Variants in PRSS23 observed in about 807,000 individuals in gnomAD.
The protein encoded by PRSS23 is protease, serine 23.
PRSS23 carries 25 observed loss-of-function variants against 34.7 expected under a neutral mutation model. The ratio of observed to expected loss-of-function variants is 0.72; its 90% CI spans 0.53 to 1.01. The LOEUF is 1.01. Among genes scored for constraint, PRSS23 ranks in the 50% least tolerant of loss-of-function variants. PRSS23 has a pLI of 0.00. For missense variants in PRSS23, 445 were observed against 475.6 expected (o/e 0.94, Z 0.60); for synonymous variants, 176 against 186.6 (o/e 0.94, Z 0.46).
chr11:86,828,725 A>G (rs1351052898), intron 2 of PRSS23, among the ~76,000 whole-genome samples: 3 of 152,128 alleles, frequency 2.0e-5, no homozygotes, highest in Non-Finnish European at 2.9e-5. Context: ...GCTCGTCTGT[A>G]AAGTATTTTA....
chr11:86,849,279 G>A (rs1590892897), intron 2 of PRSS23, among the ~76,000 whole-genome samples: 1 of 152,202 alleles, frequency 6.6e-6, no homozygotes. Context: ...ACCTCCAGCT[G>A]CAATTGGGAG....
At chr11:86,800,541 C>A (rs1430946983), upstream of PRSS23, 1 of 984,578 alleles carries the variant, frequency 1.0e-6, no homozygotes, top group Non-Finnish European at 1.2e-6. Flanking sequence ...CCAGCTTGCT[C>A]GCACTCGGCT....
chr11:86,912,678 A>G (rs1364068512), intron 2 of PRSS23, among the ~76,000 whole-genome samples: 4 of 151,990 alleles, frequency 2.6e-5, no homozygotes, highest in Non-Finnish European at 5.9e-5. Flanking sequence ...TTGTTAATTC[A>G]TTATAAGTCT....
At chr11:86,828,725 AAAGT>A (rs1488850540) in intron 2 of PRSS23, among the ~76,000 whole-genome samples, 4 of 152,128 alleles carry the variant, frequency 2.6e-5, no homozygotes, top group Non-Finnish European at 5.9e-5. Context: ...GCTCGTCTGT[AAAGT>A]ATTTTATTTC....
upstream of PRSS23, chr11:86,800,379 G>A (rs532131999): frequency 6.5e-6 from 6 of 917,138 alleles, no homozygotes; most frequent in African/African-American, 1.1e-4. Context: ...GCTCCACCCT[G>A]CTCCGGCCGC....
chr11:86,876,114 A>C (rs540160554), intron 2 of PRSS23, among the ~76,000 whole-genome samples: 3 of 152,350 alleles, frequency 2.0e-5, no homozygotes, highest in South Asian at 4.1e-4. Context: ...CCTGCCTGAA[A>C]GACTGAGTGT....
chr11:86,945,589 A>G (rs1240478916), intron 2 of PRSS23: 1 of 152,328 alleles, frequency 6.6e-6, no homozygotes, highest in Admixed American at 6.5e-5. Flanking sequence ...TCTGCCCTAC[A>G]AACTGAATCC....
At chr11:86,793,435 C>T (rs1411810443) in intron 1 of PRSS23, among the ~76,000 whole-genome samples, 2 of 152,168 alleles carry the variant, frequency 1.3e-5, no homozygotes, top group Non-Finnish European at 2.9e-5. Flanking sequence ...CTGCAGAAAG[C>T]CAGTCAAATG....
intron 2 of PRSS23, chr11:86,921,705 A>G (rs1026571252): frequency 1.3e-5 from 2 of 152,202 alleles, no homozygotes; most frequent in African/African-American, 4.8e-5. Context: ...AAGTTCACAG[A>G]CTTTATTTGT....
At chr11:86,833,284 A>C in intron 2 of PRSS23, 1 of 1,561,516 alleles carries the variant, frequency 6.4e-7, no homozygotes, top group Non-Finnish European at 8.8e-7. Flanking sequence ...GAAGAAGTAC[A>C]TGGGGGTGTG....
chr11:86,836,793 C>G (rs1948409292), intron 2 of PRSS23: 2 of 152,212 alleles, frequency 1.3e-5, no homozygotes, highest in African/African-American at 4.8e-5. Context: ...ATGGCATGGA[C>G]TGGCACTTGC....
chr11:86,914,572 T>A (rs1211436489), intron 2 of PRSS23, among the ~76,000 whole-genome samples: 1 of 152,232 alleles, frequency 6.6e-6, no homozygotes, highest in Non-Finnish European at 1.5e-5. Flanking sequence ...TAATCTATAT[T>A]TTGTTTCAGT....
chr11:86,915,669 G>C (rs530835500), intron 2 of PRSS23, among the ~76,000 whole-genome samples: 3 of 151,186 alleles, frequency 2.0e-5, no homozygotes, highest in Non-Finnish European at 4.4e-5. Context: ...CTGAAAGATA[G>C]AAAATTTAAA....
At chr11:86,792,095 C>A (rs2015747) in intron 1 of PRSS23, among the ~76,000 whole-genome samples, 11,503 of 152,278 alleles carry the variant, frequency 0.076, 489 homozygotes, top group Middle Eastern at 0.11. Flanking sequence ...CTGCCTCTCT[C>A]CCATGAGTTC....
chr11:86,865,408 C>T (rs1948643204), intron 2 of PRSS23, among the ~76,000 whole-genome samples: 1 of 152,186 alleles, frequency 6.6e-6, no homozygotes, highest in Non-Finnish European at 1.5e-5. Flanking sequence ...AAATGAGGGG[C>T]TATCATCACT....
chr11:86,897,434 C>T (rs1948884022), intron 2 of PRSS23, among the ~76,000 whole-genome samples: 1 of 152,050 alleles, frequency 6.6e-6, no homozygotes, highest in Admixed American at 6.5e-5. Context: ...CAGTGCCTGG[C>T]ACATAGTAAA....
downstream of PRSS23, among the ~76,000 whole-genome samples, chr11:86,814,247 C>T (rs1277907513): frequency 1.3e-5 from 2 of 151,912 alleles, no homozygotes; most frequent in African/African-American, 4.8e-5. Context: ...ATATTTAAAC[C>T]ACAGAGAAAT....
chr11:86,839,999 G>C (rs1948435663), intron 2 of PRSS23, among the ~76,000 whole-genome samples: 1 of 151,666 alleles, frequency 6.6e-6, no homozygotes, highest in Admixed American at 6.6e-5. Flanking sequence ...GCAAAAACAT[G>C]CCAAATTGTA....
chr11:86,917,087 A>G (rs1021207917), intron 2 of PRSS23, among the ~76,000 whole-genome samples: 2 of 152,238 alleles, frequency 1.3e-5, no homozygotes, highest in African/African-American at 4.8e-5. Flanking sequence ...TGGGAGGCCA[A>G]GGCGGGCAGA....
Sources: allele counts gnomAD v4.1 joint callset (sites outside exome capture counted in the v4.1 genomes callset), GRCh38; gene constraint gnomAD v4.1.1; transcripts MANE v1.5; gene names NCBI Gene and HGNC (gene_info 2026-07-23, HGNC 2026-07-21).